TTC34: variants seen among roughly 807,000 people sequenced by gnomAD.
The protein encoded by TTC34 is tetratricopeptide repeat domain 34.
Under a neutral mutation model 40.7 loss-of-function variants are expected in TTC34, and 44 were observed. That is an observed-to-expected ratio of 1.08 (90% CI 0.85 to 1.39). The LOEUF is 1.39. TTC34 is among the 40% of genes most tolerant of loss of function. TTC34 has a pLI of 0.00. For missense variants in TTC34, 884 were observed against 838.0 expected, an observed-to-expected ratio of 1.05 and a Z score of -0.68; for synonymous variants, 422 against 398.6, an observed-to-expected ratio of 1.06 and a Z score of -0.70.
chr1:2,692,409 G>C (rs200021392), intron 6 of TTC34, among the ~76,000 whole-genome samples: 2 of 96,400 alleles, frequency 2.1e-5, no homozygotes, highest in African/African-American at 3.6e-5. Flanking sequence ...TGGCAGCCTG[G>C]AGCAGCACCC....
chr1:2,691,160 A>T lies in TTC34; in HGVS notation c.2227-45597T>A, dbSNP rs577945652. Among the ~76,000 whole-genome samples the T allele has an allele frequency of 1.8e-3, 118 of 63,788 alleles. 23 individuals are homozygous for T. Among genetic ancestry groups the T allele is most frequent in the Non-Finnish European group, 5.4e-4 (15 of 27,810 alleles). The allele number at this position is 63,788 out of a possible 152,430, so 41.8% of individuals were successfully genotyped here. On this transcript the variant is annotated intron_variant, in intron 6 of 8. Coordinates refer to ENST00000401095, the Ensembl canonical transcript of TTC34. ...CCACACCGCCAGGGGAGTATCTGAC[A>T]GACTGGAACAGCACCCTGCTTCCCC...
intron 6 of TTC34, among the ~76,000 whole-genome samples, chr1:2,693,513 G>A (rs1569605181): frequency 7.9e-6 from 1 of 127,272 alleles, no homozygotes; most frequent in Non-Finnish European, 1.7e-5. Flanking sequence ...ACACCCCCAG[G>A]CGAGCATCTG....
intron 6 of TTC34, among the ~76,000 whole-genome samples, chr1:2,764,483 C>T (rs1641739048): frequency 6.7e-6 from 1 of 149,518 alleles, no homozygotes; most frequent in Non-Finnish European, 1.5e-5. Flanking sequence ...CATCTGACAG[C>T]CTGGAGCAGC....
exon 9 of TTC34, chr1:2,641,663 C>G (rs576669050): frequency 2.6e-6 from 4 of 1,535,280 alleles, no homozygotes; most frequent in Non-Finnish European, 1.7e-6. Flanking sequence ...GCGACCCTGA[C>G]GGCAGAAGTC....
At chr1:2,698,503 G>A (rs77151883) in intron 6 of TTC34, among the ~76,000 whole-genome samples, 2,388 of 10,052 alleles carry the variant, frequency 0.24, 345 homozygotes, top group Non-Finnish European at 0.32. Context: ...GCGAGCATCT[G>A]ACAGCCTGAA....
chr1:2,790,860 C>T (rs1187698255), intron 2 of TTC34, among the ~76,000 whole-genome samples: 1 of 152,220 alleles, frequency 6.6e-6, no homozygotes, highest in African/African-American at 2.4e-5. Flanking sequence ...GGGACCCAGC[C>T]CTTCCCTCTC....
chr1:2,768,331 G>C (rs1237093695), intron 6 of TTC34, among the ~76,000 whole-genome samples: 1 of 152,070 alleles, frequency 6.6e-6, no homozygotes, highest in Non-Finnish European at 1.5e-5. Flanking sequence ...GTGGTGTTCC[G>C]GGTTATCAGA....
intron 6 of TTC34, among the ~76,000 whole-genome samples, chr1:2,687,974 A>C (rs4648680): frequency 2.9e-5 from 4 of 139,838 alleles, no homozygotes; most frequent in South Asian, 2.2e-4. Flanking sequence ...CACCCCCAGG[A>C]GAGCATCTGA....
At chr1:2,757,539 C>T (rs1346531314) in intron 6 of TTC34, among the ~76,000 whole-genome samples, 7 of 100,750 alleles carry the variant, frequency 6.9e-5, no homozygotes, top group Admixed American at 9.6e-5. Context: ...CAGCCTGGAA[C>T]AGCACCCACA....
intron 6 of TTC34, among the ~76,000 whole-genome samples, chr1:2,783,038 C>G (rs902524704): frequency 6.6e-6 from 1 of 152,202 alleles, no homozygotes; most frequent in Admixed American, 6.5e-5. Context: ...TTGCCATTGC[C>G]CCTCTCCCAA....
At chr1:2,640,342 C>T (rs1638876244) in exon 9 of TTC34, 1 of 152,256 alleles carries the variant, frequency 6.6e-6, no homozygotes, top group South Asian at 2.1e-4. Flanking sequence ...TCCCCAAGCT[C>T]ACTGGCAGCT....
intron 2 of TTC34, among the ~76,000 whole-genome samples, chr1:2,797,739 G>A (rs1438120693): frequency 6.6e-6 from 1 of 151,978 alleles, no homozygotes; most frequent in East Asian, 1.9e-4. Context: ...GGCAGTGAAG[G>A]GACCGGGCAG....
intron 6 of TTC34, among the ~76,000 whole-genome samples, chr1:2,768,439 C>T (rs1641863262): frequency 6.6e-6 from 1 of 151,686 alleles, no homozygotes; most frequent in Non-Finnish European, 1.5e-5. Context: ...CATCTGACAG[C>T]CTGGAACAGA....
rs1028744665 is a variant in TTC34, at chr1:2,644,161, C to T, written c.2712+103G>A. The T allele has an allele frequency of 6.8e-5, 84 of 1,227,728 alleles. No individual in the cohort carries two copies. In the African/African-American group the frequency reaches 1.2e-3, roughly 17 times the overall value. The allele number at this position is 1,227,728 out of a possible 1,614,324, so 76.1% of individuals were successfully genotyped here. A position where few individuals can be genotyped will look rare whatever the true frequency, so the allele number is the denominator to read the frequency against. Reference sequence around the variant, plus strand: ...CCAAACCTAACTGAAATCAACCCAACCGCAGAGAGTGAAGAAAGGCTGCCC... The same window carrying T: ...CCAAACCTAACTGAAATCAACCCAATCGCAGAGAGTGAAGAAAGGCTGCCC... On this transcript the variant is annotated intron_variant, in intron 8 of 8. Coordinates refer to ENST00000401095, the Ensembl canonical transcript of TTC34.
At chr1:2,756,585 AC>A (rs1174578293) in intron 6 of TTC34, among the ~76,000 whole-genome samples, 20,779 of 108,076 alleles carry the variant, frequency 0.19, 23 homozygotes, top group African/African-American at 0.23. Flanking sequence ...CAGCACCCAC[AC>A]CAACAGGTGA....
rs1297741982 is a variant in TTC34, at chr1:2,699,462, G to A, written c.2227-53899C>T. Among the ~76,000 whole-genome samples the A allele has an allele frequency of 9.4e-5, 11 of 117,504 alleles. 1 individual carries two copies. The highest frequency in any genetic ancestry group is 3.1e-4 in the African/African-American group (11 of 35,736). The allele number at this position is 117,504 out of a possible 152,430, so 77.1% of individuals were successfully genotyped here. A position where few individuals can be genotyped will look rare whatever the true frequency, so the allele number is the denominator to read the frequency against. ...GGAACATCACCCCGCACCCACAGGC[G>A]AGCATCTGACAGCCTGGAGCAGCAC... On this transcript the variant is annotated intron_variant, in intron 6 of 8. Transcript: ENST00000401095.
chr1:2,797,144 C>T (rs770541628), intron 2 of TTC34, among the ~76,000 whole-genome samples: 3 of 152,308 alleles, frequency 2.0e-5, no homozygotes, highest in Non-Finnish European at 4.4e-5. Flanking sequence ...GCCTGCACTC[C>T]GTATGCCCTT....
At chr1:2,650,525 C>A (rs74818960) in intron 6 of TTC34, among the ~76,000 whole-genome samples, 1 of 151,710 alleles carries the variant, frequency 6.6e-6, no homozygotes, top group Non-Finnish European at 1.5e-5. Flanking sequence ...ATGTGATAGC[C>A]GAAAACAGCA....
At chr1:2,755,108 C>G (rs1479942263) in intron 6 of TTC34, among the ~76,000 whole-genome samples, 1 of 45,724 alleles carries the variant, frequency 2.2e-5, no homozygotes, top group Non-Finnish European at 3.5e-5. Context: ...CACCCCCAGG[C>G]GAGCATCTGA....
Sources: gnomAD v4.1 joint callset for allele counts (sites outside exome capture counted in the v4.1 genomes callset) on GRCh38, gnomAD v4.1.1 for gene constraint, MANE v1.5 for transcripts, NCBI Gene and HGNC (gene_info 2026-07-23, HGNC 2026-07-21) for gene names.